Variants in ATP13A3 observed in about 807,000 individuals in gnomAD.
ATP13A3 encodes polyamine-transporting ATPase 13A3.
In ATP13A3, 59 loss-of-function variants were observed where a neutral mutation model predicts 158.1. The ratio of observed to expected loss-of-function variants is 0.37; its 90% CI spans 0.30 to 0.46. The LOEUF (loss-of-function observed/expected upper bound fraction) is 0.46, where lower values mean the gene tolerates loss of function less well. ATP13A3 is among the 20% of genes least tolerant of loss of function. The probability of loss-of-function intolerance (pLI) is 1.00; values close to 1 mark genes in which losing one functional copy is unlikely to be tolerated. For synonymous variants in ATP13A3, 491 were observed against 504.3 expected (o/e 0.97, Z 0.35); for missense variants, 1,166 against 1,525.2 (o/e 0.76, Z 3.92).
chr3:194,433,228 T>C, intron 21 of ATP13A3, among the ~76,000 whole-genome samples: 1 of 147,946 alleles, frequency 6.8e-6, no homozygotes, highest in East Asian at 2.0e-4. Context: ...GTACTTTTAC[T>C]ATTCTTTTTT....
chr3:194,466,978 T>G (rs1720028900), intron 2 of ATP13A3, among the ~76,000 whole-genome samples: 1 of 152,250 alleles, frequency 6.6e-6, no homozygotes, highest in Admixed American at 6.5e-5. Context: ...ACTGACTCAA[T>G]CTACTATGTG....
intron 2 of ATP13A3, among the ~76,000 whole-genome samples, chr3:194,492,329 A>G (rs1406667230): frequency 6.6e-6 from 1 of 152,168 alleles, no homozygotes; most frequent in African/African-American, 2.4e-5. Context: ...AAATGCATAT[A>G]CAGTTGTCCC....
At chr3:194,436,997 C>T (rs1717690275) in intron 20 of ATP13A3, 98 bp downstream of exon 20, 1 of 1,357,060 alleles carries the variant, frequency 7.4e-7, no homozygotes, top group African/African-American at 1.5e-5. Context: ...TCTTTTCATA[C>T]ATTCAATAAA....
At chr3:194,415,709 G>A (rs1715802742) in intron 31 of ATP13A3, among the ~76,000 whole-genome samples, 2 of 116,816 alleles carry the variant, frequency 1.7e-5, no homozygotes, top group Non-Finnish European at 3.2e-5. Flanking sequence ...TCGCCCTGTC[G>A]CCCAGCCTGG....
chr3:194,448,415 T>C lies in ATP13A3; in HGVS notation c.1150+42A>G, dbSNP rs369603250. ...TTAAACATTTAGTAGGTATCAAATA[T>C]GCTGAAACATGCAAAAAGAGATTAA... On this transcript the variant is annotated intron_variant, in intron 12 of 33. Coordinates refer to ENST00000645319, the MANE Select transcript of ATP13A3 (RefSeq NM_001367549.1). This position sits in a 1 kb window ranked among gnomAD's most constrained non-coding sequence, Gnocchi z 4.0. 1.3e-6 allele frequency: 2 copies of C among 1,587,720 alleles called. No individual in the cohort carries two copies. Among genetic ancestry groups the C allele is most frequent in the Non-Finnish European group, 1.7e-6 (2 of 1,156,928 alleles).
Position 194,457,491 on chromosome 3 carries a change from T to C in ATP13A3, c.480-317A>G, listed in dbSNP as rs550399469. The stretch of plus-strand genomic sequence containing the variant: ...AAGACTGTGCCAAAGCTGTAATAGC[T>C]AAAATTAAACTTTAAAATTTTAAGA... On this transcript the variant is annotated intron_variant, in intron 6 of 33. Transcript: ENST00000645319. 7.9e-5 allele frequency among the ~76,000 whole-genome samples: 12 copies of C among 152,318 alleles called. No individual in the cohort carries two copies. The East Asian group carries it at 1.9e-3, about 24-fold the overall frequency.
At chr3:194,435,452 T>C (rs1352245267) in intron 20 of ATP13A3, among the ~76,000 whole-genome samples, 1 of 149,708 alleles carries the variant, frequency 6.7e-6, no homozygotes, top group Admixed American at 6.7e-5. Context: ...TGCTAAAACC[T>C]GTTTCTACAA....
intron 2 of ATP13A3, among the ~76,000 whole-genome samples, chr3:194,470,658 C>T (rs552766337): frequency 2.0e-5 from 3 of 152,296 alleles, no homozygotes; most frequent in South Asian, 4.1e-4. Flanking sequence ...ACTTACGTCA[C>T]TGAGAGATTT....
chr3:194,459,727 T>G, intron 5 of ATP13A3, 62 bp downstream of exon 5: 1 of 1,517,120 alleles, frequency 6.6e-7, no homozygotes, highest in East Asian at 2.3e-5. Context: ...AGAATATACA[T>G]GATAGCATAA....
chr3:194,440,107 C>T (rs764247194), intron 16 of ATP13A3, among the ~76,000 whole-genome samples: 2 of 152,014 alleles, frequency 1.3e-5, no homozygotes, highest in Non-Finnish European at 2.9e-5. Context: ...AAGGGAGGAT[C>T]CTGTAAATGT....
chr3:194,457,647 C>T (rs1719324214), intron 6 of ATP13A3, among the ~76,000 whole-genome samples: 1 of 152,112 alleles, frequency 6.6e-6, no homozygotes, highest in African/African-American at 2.4e-5. Context: ...ATAAAAGCAT[C>T]AAGCCAAACC....
intron 2 of ATP13A3, among the ~76,000 whole-genome samples, chr3:194,473,430 G>T (rs954158007): frequency 6.6e-6 from 1 of 151,094 alleles, no homozygotes; most frequent in Non-Finnish European, 1.5e-5. Context: ...AGAACAAGAC[G>T]ATGTATTTAA....
intron 2 of ATP13A3, among the ~76,000 whole-genome samples, chr3:194,484,105 G>GAT (rs954190066): frequency 5.3e-5 from 8 of 152,296 alleles, no homozygotes; most frequent in African/African-American, 1.4e-4. Context: ...GAGGTTCAGA[G>GAT]ATGTTATGTT....
At chr3:194,493,857 G>A (rs1001621027) in intron 2 of ATP13A3, among the ~76,000 whole-genome samples, 14 of 152,118 alleles carry the variant, frequency 9.2e-5, no homozygotes, top group African/African-American at 2.7e-4. Flanking sequence ...TTTCATAGAC[G>A]AAGAAACTTT....
intron 21 of ATP13A3, among the ~76,000 whole-genome samples, chr3:194,432,685 G>A (rs1458068767): frequency 6.6e-6 from 1 of 152,178 alleles, no homozygotes; most frequent in African/African-American, 2.4e-5. Flanking sequence ...GTTACCTTGA[G>A]TTATACGGTA....
chr3:194,462,537 T>A (rs1461030061), intron 2 of ATP13A3, among the ~76,000 whole-genome samples: 2 of 152,176 alleles, frequency 1.3e-5, no homozygotes, highest in African/African-American at 4.8e-5. Context: ...TGCCTGATGA[T>A]CTGAGACTGA....
rs1303983587 is a variant in ATP13A3, at chr3:194,430,401, T to TA, written c.2625-87dup. 2.2e-6 allele frequency: 3 copies of TA among 1,379,444 alleles called. No individual in the cohort carries two copies. The African/African-American group carries it at 4.3e-5, about 20-fold the overall frequency. The allele number at this position is 1,379,444 out of a possible 1,614,324, so 85.5% of individuals were successfully genotyped here. A position where few individuals can be genotyped will look rare whatever the true frequency, so the allele number is the denominator to read the frequency against. ...TATTAAGACTTTTCTATTACAGTATTATAAAGAGCTAACACACCAAGATTC... is the reference window on the plus strand; with the variant it reads ...TATTAAGACTTTTCTATTACAGTATTAATAAAGAGCTAACACACCAAGATTC... On this transcript the variant is annotated intron_variant, in intron 24 of 33. Transcript: ENST00000645319.
At chr3:194,460,366 T>C (rs1296926881) in intron 4 of ATP13A3, among the ~76,000 whole-genome samples, 2 of 152,168 alleles carry the variant, frequency 1.3e-5, no homozygotes, top group East Asian at 1.9e-4. Flanking sequence ...GACCGAGATC[T>C]GGACTACAGT....
At chr3:194,489,815 G>A (rs1474430131), upstream of ATP13A3, among the ~76,000 whole-genome samples, 1 of 152,184 alleles carries the variant, frequency 6.6e-6, no homozygotes, top group East Asian at 1.9e-4. This position sits in a 1 kb window ranked among gnomAD's most constrained non-coding sequence, Gnocchi z 4.1. Context: ...GAAGTGCTGA[G>A]TCACCAGGAA....
Sources: allele counts gnomAD v4.1 joint callset (sites outside exome capture counted in the v4.1 genomes callset), GRCh38; gene constraint gnomAD v4.1.1; non-coding constraint Gnocchi (gnomAD v3.1); transcripts MANE v1.5; gene names NCBI Gene and HGNC (gene_info 2026-07-23, HGNC 2026-07-21).